Variants in KCNQ1 observed in about 807,000 individuals in gnomAD.
KCNQ1 encodes potassium voltage-gated channel subfamily Q member 1.
In KCNQ1, 49 loss-of-function variants were observed where a neutral mutation model predicts 72.4. The observed-to-expected ratio is 0.68, with a 90% CI of 0.54 to 0.86. The LOEUF (loss-of-function observed/expected upper bound fraction) is 0.86. Ranked by LOEUF, KCNQ1 falls within the 40% of genes least tolerant of loss-of-function variation. The pLI is 0.00. For missense variants in KCNQ1, 790 were observed against 945.1 expected (o/e 0.84, Z 2.15); for synonymous variants, 450 against 412.6 (o/e 1.09, Z -1.10).
At position 2,563,665 on chromosome 11, in the gene KCNQ1, G is replaced by A. The variant is rs1423903424; in HGVS notation, c.478-6963G>A. ...CTTAGGGTGTCCCGTTGGCATCCAGGGCCCCCCGTGAAGGATGGCACCGAG... is the reference window on the plus strand; with the variant it reads ...CTTAGGGTGTCCCGTTGGCATCCAGAGCCCCCCGTGAAGGATGGCACCGAG... On this transcript the variant is annotated intron_variant, in intron 2 of 15. Transcript: ENST00000155840. The surrounding 1 kb of genome is among the most constrained non-coding windows in gnomAD (Gnocchi z 7.4). Among the ~76,000 whole-genome samples, 1 of 152,174 alleles carries A rather than the reference G, an allele frequency of 6.6e-6. No individual in the cohort carries two copies. The highest frequency in any genetic ancestry group is 2.4e-5 in the African/African-American group (1 of 41,436).
In KCNQ1 at chr11:2,592,001, C is replaced by T. The variant is rs547471843; in HGVS notation, c.1393+3147C>T. Among the ~76,000 whole-genome samples, 8 of 152,384 alleles carry T rather than the reference C, an allele frequency of 5.2e-5. No individual in the cohort carries two copies. The highest frequency in any genetic ancestry group is 1.9e-4 in the East Asian group (1 of 5,182). ...TGGGGAAGCCCCACAGCCCCACTCC[C>T]GCAAGGCGGGTACGAACAGCCACAC... On this transcript the variant is annotated intron_variant, in intron 10 of 15. Transcript: ENST00000155840. The surrounding 1 kb of genome is among the most constrained non-coding windows in gnomAD (Gnocchi z 5.2).
At position 2,647,232 on chromosome 11, in the gene KCNQ1, C is replaced by G. The variant is rs1849680060; in HGVS notation, c.1394-14729C>G. On this transcript the variant is annotated intron_variant, in intron 10 of 15. Transcript: ENST00000155840. This position sits in a 1 kb window ranked among gnomAD's most constrained non-coding sequence, Gnocchi z 4.0. Reference sequence around the variant, plus strand: ...CTTTTTCTGCATCTATTGAGATGATCATGTATTTTTTTGTCCTTCCTTCTG... The same window carrying G: ...CTTTTTCTGCATCTATTGAGATGATGATGTATTTTTTTGTCCTTCCTTCTG... 2.5e-6 allele frequency: 1 copy of G among 398,214 alleles called. No homozygotes were observed. Among genetic ancestry groups the G allele is most frequent in the African/African-American group, 2.1e-5 (1 of 48,664 alleles). 24.7% of individuals were successfully genotyped at this position (398,214 alleles called of 1,614,324 possible).
In KCNQ1 at chr11:2,550,257, G is replaced by A. The variant is rs1339241642; in HGVS notation, c.478-20371G>A. ...GGAGTTTGAACTTTTCTGATCACGG[G>A]GTGAGAGGGTCTTTGCAGTTGCAGA... On this transcript the variant is annotated intron_variant, in intron 2 of 15. Transcript: ENST00000155840. This position sits in a 1 kb window ranked among gnomAD's most constrained non-coding sequence, Gnocchi z 6.0. Among the ~76,000 whole-genome samples, 1 of 152,200 alleles carries A rather than the reference G, an allele frequency of 6.6e-6. No individual in the cohort carries two copies. Among genetic ancestry groups the A allele is most frequent in the Non-Finnish European group, 1.5e-5 (1 of 68,028 alleles).
Position 2,772,321 on chromosome 11 carries a change from C to T in KCNQ1, c.1590+3402C>T, listed in dbSNP as rs892660465. On this transcript the variant is annotated intron_variant, in intron 12 of 15. Transcript: ENST00000155840. The surrounding 1 kb of genome is among the most constrained non-coding windows in gnomAD (Gnocchi z 6.6). ...GCTGGCTGATAAGTCCTTGGCCAACCACCCCTGTGTCTGGCCCAAGGAGCC... is the reference window on the plus strand; with the variant it reads ...GCTGGCTGATAAGTCCTTGGCCAACTACCCCTGTGTCTGGCCCAAGGAGCC... 1.3e-5 allele frequency among the ~76,000 whole-genome samples: 2 copies of T among 152,144 alleles called. No individual in the cohort carries two copies. Among genetic ancestry groups the T allele is most frequent in the African/African-American group, 4.8e-5 (2 of 41,438 alleles).
At chr11:2,672,306 TG>T (rs1173762348) in intron 11 of KCNQ1, 3 of 398,338 alleles carry the variant, frequency 7.5e-6, no homozygotes, top group Non-Finnish European at 1.3e-5. Flanking sequence ...GGGCTCCAGG[TG>T]GGAGCTCAAG....
intron 15 of KCNQ1, among the ~76,000 whole-genome samples, chr11:2,780,000 G>A (rs540527008): frequency 2.0e-5 from 3 of 152,358 alleles, no homozygotes; most frequent in South Asian, 4.1e-4. Flanking sequence ...CCGGGGCCAC[G>A]AGGATTCTGG....
At chr11:2,845,756 C>G (rs1263179647) in intron 15 of KCNQ1, among the ~76,000 whole-genome samples, 1 of 152,176 alleles carries the variant, frequency 6.6e-6, no homozygotes, top group Non-Finnish European at 1.5e-5. Context: ...GTCCCCTGGG[C>G]TCCTGCTCTG....
At chr11:2,530,891 T>C (rs964212420) in intron 2 of KCNQ1, among the ~76,000 whole-genome samples, 15 of 152,170 alleles carry the variant, frequency 9.9e-5, no homozygotes, top group Non-Finnish European at 1.8e-4. Flanking sequence ...CTGTGCTGTG[T>C]GTGAGACGTG....
Position 2,748,230 on chromosome 11 carries a change from G to C in KCNQ1, c.1515-20614G>C, listed in dbSNP as rs555618736. Among the ~76,000 whole-genome samples, 2 of 152,118 alleles carry C rather than the reference G, an allele frequency of 1.3e-5. No individual in the cohort carries two copies. The highest frequency in any genetic ancestry group is 3.9e-4 in the East Asian group (2 of 5,142). On this transcript the variant is annotated intron_variant, in intron 11 of 15. Transcript: ENST00000155840. The surrounding 1 kb of genome is among the most constrained non-coding windows in gnomAD (Gnocchi z 6.2). ...CTGTCTCCTTGTGTCCCCAGACCTC[G>C]GGCGAGGGAGAAGCAAGTTCCCCTC...
chr11:2,726,706 A>G (rs1845771508), intron 11 of KCNQ1, among the ~76,000 whole-genome samples: 1 of 152,198 alleles, frequency 6.6e-6, no homozygotes, highest in South Asian at 2.1e-4. Context: ...CATTGGCCTG[A>G]ATAGGAGCTG....
rs1168054812 is a variant in KCNQ1 at position 2,616,215 on chromosome 11, T to C, written c.1393+27361T>C. 1.5e-5 allele frequency: 6 copies of C among 397,182 alleles called. No individual in the cohort carries two copies. The Admixed American group carries it at 2.7e-4, about 18-fold the overall frequency. The allele number at this position is 397,182 out of a possible 1,614,324, so 24.6% of individuals were successfully genotyped here. A position where few individuals can be genotyped will look rare whatever the true frequency, so the allele number is the denominator to read the frequency against. ...TCGTTCCCACTTTTGTTTTTTTTTC[T>C]TATTTTTGTTTTTTTTTGTTGTGTT... On this transcript the variant is annotated intron_variant, in intron 10 of 15. Coordinates refer to ENST00000155840, the MANE Select transcript of KCNQ1 (RefSeq NM_000218.3).
intron 15 of KCNQ1, among the ~76,000 whole-genome samples, chr11:2,843,141 G>C (rs191318951): frequency 1.3e-5 from 2 of 152,212 alleles, no homozygotes; most frequent in Admixed American, 6.5e-5. Flanking sequence ...AAGGCCTGGC[G>C]GTAAAACCTC....
At chr11:2,765,777 T>C (rs887745205) in intron 11 of KCNQ1, among the ~76,000 whole-genome samples, 1 of 152,248 alleles carries the variant, frequency 6.6e-6, no homozygotes, top group Non-Finnish European at 1.5e-5. Context: ...TAGTTTTCAT[T>C]TGGCTACACC....
At chr11:2,838,544 T>C (rs1848132137) in intron 15 of KCNQ1, among the ~76,000 whole-genome samples, 1 of 151,958 alleles carries the variant, frequency 6.6e-6, no homozygotes. Flanking sequence ...AAGGTCTGCT[T>C]GTGGACTTCC....
rs1011876416 is a variant in KCNQ1, at chr11:2,473,459, G to T, written c.386+27975G>T. ...AGGGGCTGGGCCCTCCCAGGTGAGCGGGTTGGGAAAGGAAAGGGTCTGTGC... is the reference window on the plus strand; with the variant it reads ...AGGGGCTGGGCCCTCCCAGGTGAGCTGGTTGGGAAAGGAAAGGGTCTGTGC... On this transcript the variant is annotated intron_variant, in intron 1 of 15. Transcript: ENST00000155840. This position sits in a 1 kb window ranked among gnomAD's most constrained non-coding sequence, Gnocchi z 6.0. Among the ~76,000 whole-genome samples, 20 of 152,068 alleles carry T rather than the reference G, an allele frequency of 1.3e-4. No individual in the cohort carries two copies. Among genetic ancestry groups the T allele is most frequent in the African/African-American group, 4.8e-4 (20 of 41,406 alleles).
rs193246818 is a variant in KCNQ1 at position 2,842,696 on chromosome 11, C to T, written c.1795-5071C>T. 2.7e-4 allele frequency among the ~76,000 whole-genome samples: 41 copies of T among 152,344 alleles called. No individual in the cohort carries two copies. The East Asian group carries it at 4.8e-3, about 18-fold the overall frequency. ...ATGTGGGCTCACCTAGCATGCCTCC[C>T]GTGTGCACAGCAGTGCTCCTTTGGC... On this transcript the variant is annotated intron_variant, in intron 15 of 15. Transcript: ENST00000155840.
intron 15 of KCNQ1, among the ~76,000 whole-genome samples, chr11:2,795,521 C>T (rs1282360074): frequency 2.6e-5 from 4 of 152,222 alleles, no homozygotes; most frequent in Admixed American, 1.3e-4. Context: ...GTGGGCCCCA[C>T]GGAGCTTCCC....
At chr11:2,572,341 G>T (rs1311345830) in intron 5 of KCNQ1, among the ~76,000 whole-genome samples, 1 of 152,194 alleles carries the variant, frequency 6.6e-6, no homozygotes, top group Non-Finnish European at 1.5e-5. Flanking sequence ...CAGGCTGATG[G>T]TGTGCTCACC....
intron 10 of KCNQ1, chr11:2,641,570 C>G (rs1372601082): frequency 2.5e-6 from 1 of 398,352 alleles, no homozygotes; most frequent in African/African-American, 2.1e-5. Context: ...CAAATATTTT[C>G]TCCCATTCAA....
Sources: allele counts gnomAD v4.1 joint callset (sites outside exome capture counted in the v4.1 genomes callset), GRCh38; gene constraint gnomAD v4.1.1; non-coding constraint Gnocchi (gnomAD v3.1); transcripts MANE v1.5; gene names NCBI Gene and HGNC (gene_info 2026-07-23, HGNC 2026-07-21).